WDFY3: variants seen among roughly 807,000 people sequenced by gnomAD.
WDFY3 encodes the protein WD repeat and FYVE domain containing 3.
A neutral mutation model predicts 409.6 loss-of-function variants in WDFY3; 66 were observed. The observed-to-expected ratio is 0.16, with a 90% CI of 0.13 to 0.20. The LOEUF (loss-of-function observed/expected upper bound fraction) is 0.20. WDFY3 is among the 10% of genes least tolerant of loss of function. The pLI, the probability that WDFY3 is intolerant of heterozygous loss-of-function variation, is 1.00. For synonymous variants in WDFY3, 1,521 were observed against 1,537.1 expected (o/e 0.99, Z 0.25); for missense variants, 3,031 against 4,298.1 (o/e 0.71, Z 8.24).
In WDFY3 at chr4:84,789,632, AACACACAC is replaced by A. The variant is rs370993126; in HGVS notation, c.3669+86_3669+93del. 6 of 1,014,686 alleles carry A rather than the reference AACACACAC, an allele frequency of 5.9e-6. No homozygotes were observed. In the African/African-American group the frequency reaches 1.6e-4, roughly 27 times the overall value. The allele number at this position is 1,014,686 out of a possible 1,614,324, so 62.9% of individuals were successfully genotyped here. A position where few individuals can be genotyped will look rare whatever the true frequency, so the allele number is the denominator to read the frequency against. Reference sequence around the variant, plus strand: ...AAAGTAATTTTAAAAATATCCCTGTAACACACACACACACACACACACACACACACACA... The same window carrying A: ...AAAGTAATTTTAAAAATATCCCTGTAACACACACACACACACACACACACA... On this transcript the variant is annotated intron_variant, in intron 22 of 67. Coordinates refer to ENST00000295888, the MANE Select transcript of WDFY3 (RefSeq NM_014991.6).
rs759473013 is a variant in WDFY3, at chr4:84,775,051, G to A, written c.4592+14C>T. ...TATAGCTGAATAATTAACTACGTGGGTATTAATTAATACCTGGACTCTGTG... is the reference window on the plus strand; with the variant it reads ...TATAGCTGAATAATTAACTACGTGGATATTAATTAATACCTGGACTCTGTG... On this transcript the variant is annotated intron_variant, in intron 28 of 67. Coordinates refer to ENST00000295888, the MANE Select transcript of WDFY3 (RefSeq NM_014991.6). The A allele has an allele frequency of 2.5e-6, 4 of 1,613,056 alleles. No homozygotes were observed. Among genetic ancestry groups the A allele is most frequent in the Non-Finnish European group, 2.5e-6 (3 of 1,179,322 alleles).
At chr4:84,689,344 A>G (rs1015689362) in intron 61 of WDFY3, among the ~76,000 whole-genome samples, 1 of 152,196 alleles carries the variant, frequency 6.6e-6, no homozygotes, top group African/African-American at 2.4e-5. Flanking sequence ...TGCTTAGCAA[A>G]CCCCAGGAAA....
intron 27 of WDFY3, among the ~76,000 whole-genome samples, chr4:84,777,958 A>G (rs1401337739): frequency 6.6e-6 from 1 of 152,124 alleles, no homozygotes; most frequent in Non-Finnish European, 1.5e-5. Context: ...AGCCAGTAGA[A>G]ATGAAAATGC....
chr4:84,671,005 A>G lies in WDFY3; in HGVS notation c.*1863T>C, dbSNP rs1725367487. 1 of 152,638 alleles carries G rather than the reference A, an allele frequency of 6.6e-6. No individual in the cohort carries two copies. Among genetic ancestry groups the G allele is most frequent in the African/African-American group, 2.4e-5 (1 of 41,460 alleles). 9.5% of individuals were successfully genotyped at this position (152,638 alleles called of 1,614,324 possible). On this transcript the variant is annotated 3_prime_UTR_variant, in exon 68 of 68. Transcript: ENST00000295888. ...AACTTTTAGAAATGGAAGTGTTTTA[A>G]TCAATTTTGATATGTAATCATAAAT...
intron 2 of WDFY3, among the ~76,000 whole-genome samples, chr4:84,914,655 T>A (rs973123849): frequency 1.3e-5 from 2 of 152,180 alleles, no homozygotes; most frequent in African/African-American, 4.8e-5. Context: ...TAACACCTAT[T>A]ATGATGGCTA....
intron 24 of WDFY3, among the ~76,000 whole-genome samples, chr4:84,784,915 CACACAT>C (rs1338467626): frequency 2.2e-4 from 32 of 145,638 alleles, no homozygotes; most frequent in South Asian, 6.5e-4. Context: ...CACACACACA[CACACAT>C]ACACACCTTG....
chr4:84,752,748 C>T (rs1740755516), intron 35 of WDFY3, among the ~76,000 whole-genome samples: 2 of 152,046 alleles, frequency 1.3e-5, no homozygotes, highest in Admixed American at 1.3e-4. Flanking sequence ...GGTCATTTAT[C>T]CCAGGTCCTA....
At chr4:84,731,072 CAGGTGTG>C (rs1473508104) in intron 44 of WDFY3, among the ~76,000 whole-genome samples, 2 of 152,152 alleles carry the variant, frequency 1.3e-5, no homozygotes, top group African/African-American at 4.8e-5. Flanking sequence ...GCTGGGATTA[CAGGTGTG>C]AGCCACTGCG....
chr4:84,858,506 A>T (rs1560939832), intron 4 of WDFY3, among the ~76,000 whole-genome samples: 1 of 152,218 alleles, frequency 6.6e-6, no homozygotes, highest in Non-Finnish European at 1.5e-5. Flanking sequence ...TTACTCTAAA[A>T]GAACTACTGC....
chr4:84,673,241 A>T (rs1319490683), intron 67 of WDFY3, among the ~76,000 whole-genome samples: 1 of 152,188 alleles, frequency 6.6e-6, no homozygotes, highest in Non-Finnish European at 1.5e-5. Context: ...ACAAAAAAAC[A>T]GAGTTAAGAT....
At position 84,751,584 on chromosome 4, in the gene WDFY3, C is replaced by T. The variant is rs1740525903; in HGVS notation, c.5872G>A (p.Ala1958Thr). ...ATGAAGTCAAAAACGAACTTTTTAG[C>T]CGGGTGATTGGTCAGATATGTCTTG... ...GTKTYLTNHPAKKFVFDFMRV... is the reference protein window; with the variant it reads ...GTKTYLTNHPTKKFVFDFMRV... Residue 1958 changes from alanine to threonine, a missense_variant, in exon 36 of 68, where the codon GCT becomes ACT. Physicochemically the swap from Ala to Thr is moderately conservative, Grantham distance 58 (BLOSUM62 0). Around this residue, in one of 16 missense-constraint regions of WDFY3, gnomAD observed 314 missense variants for 397.4 expected, o/e 0.79. Coordinates refer to ENST00000295888, the MANE Select transcript of WDFY3 (RefSeq NM_014991.6). 6.2e-7 allele frequency: 1 copy of T among 1,614,086 alleles called. No individual in the cohort carries two copies. The highest frequency in any genetic ancestry group is 8.5e-7 in the Non-Finnish European group (1 of 1,180,020).
chr4:84,889,742 T>C (rs1764688724), intron 3 of WDFY3, among the ~76,000 whole-genome samples: 1 of 152,174 alleles, frequency 6.6e-6, no homozygotes, highest in South Asian at 2.1e-4. Flanking sequence ...ACTGGCTTTA[T>C]AATGTTGTAA....
In WDFY3 at chr4:84,801,799, G is replaced by A. The variant is rs1750614713; in HGVS notation, c.2673C>T (p.Asn891=). The A allele has an allele frequency of 3.7e-6, 6 of 1,614,048 alleles. No individual in the cohort carries two copies. The highest frequency in any genetic ancestry group is 5.1e-6 in the Non-Finnish European group (6 of 1,180,044). Residue 891 remains asparagine, a synonymous_variant, in exon 17 of 68, where the codon AAC becomes AAT. Coordinates refer to ENST00000295888, the MANE Select transcript of WDFY3 (RefSeq NM_014991.6). The part of the protein sequence containing the change: ...ILQSLVHTER[N]QQVMCEAGLH... ...GACCAGCTTCACACATGACTTGCTG[G>A]TTCCTTTCTGTGTGCACCAGGGATT...
chr4:84,837,541 C>A (rs1756756348), intron 6 of WDFY3, among the ~76,000 whole-genome samples: 1 of 152,048 alleles, frequency 6.6e-6, no homozygotes. Context: ...ATTGTATATT[C>A]ATTGCTGCTT....
At chr4:84,775,177 A>C (rs1221806698) in intron 27 of WDFY3, 39 bp from the exon 28 acceptor site, 1 of 1,577,774 alleles carries the variant, frequency 6.3e-7, no homozygotes, top group African/African-American at 1.4e-5. Context: ...TAAGGTTAAA[A>C]AAAATGCCCA....
intron 2 of WDFY3, among the ~76,000 whole-genome samples, chr4:84,918,989 G>A (rs1768899702): frequency 6.6e-6 from 1 of 151,882 alleles, no homozygotes; most frequent in Admixed American, 6.6e-5. Context: ...CAATAAGAAG[G>A]ACTAAGGCTC....
intron 32 of WDFY3, among the ~76,000 whole-genome samples, chr4:84,763,363 T>A (rs1307559698): frequency 6.6e-6 from 1 of 151,538 alleles, no homozygotes; most frequent in African/African-American, 2.4e-5. Flanking sequence ...GGGAACATCA[T>A]GCACCGGGGT....
At chr4:84,893,295 T>TA in intron 3 of WDFY3, among the ~76,000 whole-genome samples, 1 of 152,350 alleles carries the variant, frequency 6.6e-6, no homozygotes, top group East Asian at 1.9e-4. Flanking sequence ...CCTTGCTACC[T>TA]ACCATGGGAG....
At chr4:84,862,864 C>T (rs1760849495) in intron 3 of WDFY3, among the ~76,000 whole-genome samples, 1 of 152,160 alleles carries the variant, frequency 6.6e-6, no homozygotes, top group African/African-American at 2.4e-5. Flanking sequence ...GTGGCAGGCG[C>T]CCACTCTCTC....
Sources: allele counts gnomAD v4.1 joint callset (sites outside exome capture counted in the v4.1 genomes callset), GRCh38; gene constraint gnomAD v4.1.1; regional missense constraint gnomAD v4.1.1; transcripts MANE v1.5; gene names NCBI Gene and HGNC (gene_info 2026-07-23, HGNC 2026-07-21).